Variants in E2F7 observed in about 807,000 individuals in gnomAD.
E2F7 encodes the protein transcription factor E2F7.
A neutral mutation model predicts 81.1 loss-of-function variants in E2F7; 35 were observed. The observed-to-expected ratio is 0.43, with a 90% CI of 0.33 to 0.57. E2F7 has a LOEUF of 0.57. Ranked by LOEUF, E2F7 falls within the 20% of genes least tolerant of loss-of-function variation. E2F7 has a pLI of 0.04. For synonymous variants in E2F7, 416 were observed against 416.2 expected (o/e 1.00, Z 0.01); for missense variants, 961 against 1,093.7 (o/e 0.88, Z 1.71).
At chr12:77,055,235 G>C (rs952437578) in intron 3 of E2F7, among the ~76,000 whole-genome samples, 2 of 151,768 alleles carry the variant, frequency 1.3e-5, no homozygotes, top group Admixed American at 6.6e-5. Context: ...TCTTCATTTT[G>C]GCAATTTTTA....
intron 3 of E2F7, among the ~76,000 whole-genome samples, chr12:77,054,593 A>T (rs774557382): frequency 3.3e-5 from 5 of 152,174 alleles, no homozygotes; most frequent in Non-Finnish European, 5.9e-5. Flanking sequence ...GAACCTTTCT[A>T]GTGACTGATC....
At chr12:77,038,760 T>C (rs1954873388) in intron 7 of E2F7, among the ~76,000 whole-genome samples, 1 of 152,226 alleles carries the variant, frequency 6.6e-6, no homozygotes, top group Admixed American at 6.5e-5. Flanking sequence ...ATAATCTGAA[T>C]AGCTCTATAG....
At chr12:77,055,678 A>G (rs888082196) in intron 3 of E2F7, among the ~76,000 whole-genome samples, 177 bp downstream of exon 3, 7 of 152,226 alleles carry the variant, frequency 4.6e-5, no homozygotes, top group Non-Finnish European at 7.3e-5. Flanking sequence ...CAGAAAAGAA[A>G]GCATTCATTA....
chr12:77,021,252 T>TTA lies in E2F7; in HGVS notation c.*2762_*2763insTA. 1 of 152,624 alleles carries TTA rather than the reference T, an allele frequency of 6.6e-6. No homozygotes were observed. The highest frequency in any genetic ancestry group is 2.4e-5 in the African/African-American group (1 of 41,444). The allele number at this position is 152,624 out of a possible 1,614,324, so 9.5% of individuals were successfully genotyped here. A position where few individuals can be genotyped will look rare whatever the true frequency, so the allele number is the denominator to read the frequency against. On this transcript the variant is annotated 3_prime_UTR_variant, in exon 13 of 13. Coordinates refer to ENST00000322886, the MANE Select transcript of E2F7 (RefSeq NM_203394.3). ...AAAAAATACAACCACCATCTCTTCT[T>TTA]AAATGAATTATTTTTTATTGCTATT...
Position 77,023,909 on chromosome 12 carries a change from A to AGAGAGAGGAAGGACCCGT in E2F7, c.*88_*105dup. 1 of 1,339,756 alleles carries AGAGAGAGGAAGGACCCGT rather than the reference A, an allele frequency of 7.5e-7. No homozygotes were observed. The highest frequency in any genetic ancestry group is 1.0e-6 in the Non-Finnish European group (1 of 978,894). 83.0% of individuals were successfully genotyped at this position (1,339,756 alleles called of 1,614,324 possible). On this transcript the variant is annotated 3_prime_UTR_variant, in exon 13 of 13. Transcript: ENST00000322886. ...GGAAGTTAACAGAAGTGTGGATGAAAGAGAGAGGAAGGACCCGTGCTCAGG... is the reference window on the plus strand; with the variant it reads ...GGAAGTTAACAGAAGTGTGGATGAAAGAGAGAGGAAGGACCCGTGAGAGAGGAAGGACCCGTGCTCAGG...
chr12:77,026,547 C>T (rs547561265), intron 11 of E2F7, among the ~76,000 whole-genome samples: 37 of 152,154 alleles, frequency 2.4e-4, no homozygotes, highest in African/African-American at 8.4e-4. Context: ...AGTGATCTTC[C>T]TACCTCAGCC....
intron 10 of E2F7, among the ~76,000 whole-genome samples, chr12:77,028,762 C>A (rs1377863339): frequency 6.6e-6 from 1 of 152,152 alleles, no homozygotes; most frequent in Admixed American, 6.5e-5. Flanking sequence ...CATAAGCCAC[C>A]GCGCCCGGCT....
At chr12:77,053,031 A>T (rs1344580441) in intron 3 of E2F7, among the ~76,000 whole-genome samples, 1 of 152,192 alleles carries the variant, frequency 6.6e-6, no homozygotes, top group African/African-American at 2.4e-5. Context: ...GTCAGAGAGG[A>T]TATGGGTGAC....
intron 7 of E2F7, among the ~76,000 whole-genome samples, chr12:77,037,378 C>G (rs1218328359): frequency 6.6e-6 from 1 of 152,172 alleles, no homozygotes; most frequent in East Asian, 1.9e-4. Context: ...ATCACTTGAG[C>G]TCAGGAATTC....
At chr12:77,059,845 C>A (rs1955064058) in intron 2 of E2F7, among the ~76,000 whole-genome samples, 1 of 151,932 alleles carries the variant, frequency 6.6e-6, no homozygotes, top group African/African-American at 2.4e-5. Context: ...CGCCTGTAGT[C>A]CCAGCTACTC....
chr12:77,039,005 T>C (rs1281284315), intron 7 of E2F7, among the ~76,000 whole-genome samples: 1 of 152,224 alleles, frequency 6.6e-6, no homozygotes, highest in Non-Finnish European at 1.5e-5. Flanking sequence ...AGTATTAGCA[T>C]GACACCAAAT....
At chr12:77,041,059 C>T (rs949958203) in intron 7 of E2F7, among the ~76,000 whole-genome samples, 6 of 152,276 alleles carry the variant, frequency 3.9e-5, no homozygotes, top group East Asian at 1.9e-4. Context: ...AGAGAAAATA[C>T]GTTCAATTTA....
At chr12:77,038,366 T>C (rs1180276066) in intron 7 of E2F7, among the ~76,000 whole-genome samples, 1 of 152,170 alleles carries the variant, frequency 6.6e-6, no homozygotes. Context: ...ATCTGTACCA[T>C]AAAACAAGTC....
At chr12:77,040,341 G>T (rs2120679060) in intron 7 of E2F7, among the ~76,000 whole-genome samples, 1 of 152,254 alleles carries the variant, frequency 6.6e-6, no homozygotes, top group South Asian at 2.1e-4. Context: ...GAGCCAAAAA[G>T]CACAAAAATG....
At chr12:77,033,005 A>C in intron 9 of E2F7, 45 bp downstream of exon 9, 2 of 1,561,418 alleles carry the variant, frequency 1.3e-6, no homozygotes, top group Non-Finnish European at 1.7e-6. Flanking sequence ...AGTTAACACT[A>C]GGAGATAGAA....
At chr12:77,030,355 C>T (rs10862960) in intron 9 of E2F7, 23 bp from the exon 10 acceptor site, 652,640 of 1,516,584 alleles carry the variant, frequency 0.43, 145,079 homozygotes, top group Admixed American at 0.47. Context: ...AGAAACGTAA[C>T]GAAGTTAGCA....
chr12:77,034,758 A>C (rs1009679388), intron 7 of E2F7, among the ~76,000 whole-genome samples: 6 of 152,344 alleles, frequency 3.9e-5, no homozygotes, highest in African/African-American at 1.4e-4. Context: ...ATGTTTTTCT[A>C]AGCTCAAAGC....
chr12:77,041,377 G>C (rs1333440648), intron 7 of E2F7, among the ~76,000 whole-genome samples: 1 of 152,104 alleles, frequency 6.6e-6, no homozygotes, highest in Admixed American at 6.5e-5. Flanking sequence ...TTTTAGTAGA[G>C]ATGGGGTTTC....
At chr12:77,052,798 A>G (rs567652703) in intron 3 of E2F7, among the ~76,000 whole-genome samples, 1 of 152,280 alleles carries the variant, frequency 6.6e-6, no homozygotes. Context: ...ATCATTATAT[A>G]ATCAACCCCT....
Sources: allele counts gnomAD v4.1 joint callset (sites outside exome capture counted in the v4.1 genomes callset), GRCh38; gene constraint gnomAD v4.1.1; transcripts MANE v1.5; gene names NCBI Gene and HGNC (gene_info 2026-07-23, HGNC 2026-07-21).